GNL1: variants seen among roughly 807,000 people sequenced by gnomAD.
The protein encoded by GNL1 is guanine nucleotide-binding protein-like 1.
Under a neutral mutation model 75.2 loss-of-function variants are expected in GNL1, and 21 were observed. The ratio of observed to expected loss-of-function variants is 0.28; its 90% CI spans 0.20 to 0.40. The LOEUF (loss-of-function observed/expected upper bound fraction) is 0.40, where lower values mean the gene tolerates loss of function less well. Ranked by LOEUF, GNL1 falls within the 10% of genes least tolerant of loss-of-function variation. The pLI is 1.00. For missense variants in GNL1, 579 were observed against 775.0 expected, an observed-to-expected ratio of 0.75 and a Z score of 3.00; for synonymous variants, 287 against 303.4, an observed-to-expected ratio of 0.95 and a Z score of 0.56.
rs192720830 is a variant in GNL1 at position 30,548,720 on chromosome 6, T to C, written c.1100-1190A>G. ...CTGTGGCTAAGAAAAGATGTACCAC[T>C]GTGCTCACTCTTTACAACACATGCA... is the stretch of plus-strand genomic sequence containing the variant. On this transcript the variant is annotated intron_variant, in intron 8 of 11. Transcript: ENST00000376621. This position sits in a 1 kb window ranked among gnomAD's most constrained non-coding sequence, Gnocchi z 4.2. 6.6e-6 allele frequency among the ~76,000 whole-genome samples: 1 copy of C among 152,244 alleles called. No homozygotes were observed. The highest frequency in any genetic ancestry group is 1.9e-4 in the East Asian group (1 of 5,180).
chr6:30,552,731 CCTGCACAG>C lies in GNL1; in HGVS notation c.905-78_905-71del. 1.4e-6 allele frequency: 2 copies of C among 1,390,126 alleles called. No individual in the cohort carries two copies. The highest frequency in any genetic ancestry group is 2.0e-6 in the Non-Finnish European group (2 of 1,005,816). 86.1% of individuals were successfully genotyped at this position (1,390,126 alleles called of 1,614,324 possible). A position where few individuals can be genotyped will look rare whatever the true frequency, so the allele number is the denominator to read the frequency against. ...CTGTGCATGATGGCACATACTGTGC[CCTGCACAG>C]ATTATGTAACTGGCACCCTCTGGAG... On this transcript the variant is annotated intron_variant, in intron 7 of 11. Coordinates refer to ENST00000376621, the MANE Select transcript of GNL1 (RefSeq NM_005275.5). This position sits in a 1 kb window ranked among gnomAD's most constrained non-coding sequence, Gnocchi z 4.5.
In GNL1 at chr6:30,547,359, T is replaced by G; in HGVS notation, c.1271A>C (p.Gln424Pro). Reference sequence around the variant, plus strand: ...CCACCCTCCCCGTCATACCTGCAACTGCCTAGGCAGAAGAGATGGGAAGAT... The same window carrying G: ...CCACCCTCCCCGTCATACCTGCAACGGCCTAGGCAGAAGAGATGGGAAGAT... ...GLIFPSLLPR[Q>P]LQVLAGIYPI... The change falls in exon 9 of 12, where the codon CAG (glutamine) becomes CCG (proline). Residue 424 changes from glutamine (Q) to proline (P), a missense_variant. By Grantham distance (76) the Gln-to-Pro change is moderately conservative (BLOSUM62 -1). Transcript: ENST00000376621. This position sits in a 1 kb window ranked among gnomAD's most constrained non-coding sequence, Gnocchi z 5.5. 1 of 1,601,908 alleles carries G rather than the reference T, an allele frequency of 6.2e-7. No homozygotes were observed. The highest frequency in any genetic ancestry group is 1.1e-5 in the South Asian group (1 of 90,000).
rs149109454 is a variant in GNL1 at position 30,554,809 on chromosome 6, C to T, written c.483G>A (p.Gly161=). ...AGCTGAGTTTCTCAGAGGAGTAAGC[C>T]CCATGAATCTTCCCAAGATAGTCTT... is the stretch of plus-strand genomic sequence containing the variant. The part of the protein sequence containing the change: ...SFQDYLGKIH[G]AYSSEKLSYF... The change falls in exon 4 of 12, where the codon GGG becomes GGA. Residue 161 remains glycine (G), a synonymous_variant. Coordinates refer to ENST00000376621, the MANE Select transcript of GNL1 (RefSeq NM_005275.5). 1.4e-3 allele frequency: 2,254 copies of T among 1,612,884 alleles called. 21 individuals carry two copies. Among genetic ancestry groups the T allele is most frequent in the South Asian group, 9.0e-3 (816 of 91,082 alleles).
chr6:30,553,010 A>C, intron 7 of GNL1, 74 bp downstream of exon 7: 2 of 1,052,330 alleles, frequency 1.9e-6, no homozygotes, highest in Admixed American at 3.9e-5. Context: ...GGCTTCAGGA[A>C]AGGTGAGCAA....
rs1799319993 is a variant in GNL1, at chr6:30,544,095, C to G, written c.*1977G>C. The G allele has an allele frequency of 6.6e-6, 1 of 152,326 alleles. No homozygotes were observed. Among genetic ancestry groups the G allele is most frequent in the South Asian group, 2.1e-4 (1 of 4,836 alleles). The allele number at this position is 152,326 out of a possible 1,614,324, so 9.4% of individuals were successfully genotyped here. ...GTGTTGGGGCCCTATTCATCCTCAT[C>G]TGCACGTCCCTCAGTTCTTTTCCTG... On this transcript the variant is annotated 3_prime_UTR_variant, in exon 12 of 12. Transcript: ENST00000376621.
At position 30,555,096 on chromosome 6, in the gene GNL1, A is replaced by T; in HGVS notation, c.335T>A (p.Leu112Ter). Residue 112 changes from leucine (L) to a stop codon, truncating the protein, a stop_gained, in exon 3 of 12, where the codon TTG (leucine) becomes TAG (stop). Transcript: ENST00000376621. LOFTEE classifies it high-confidence loss of function. The surrounding 1 kb of genome is among the most constrained non-coding windows in gnomAD (Gnocchi z 4.3). ...EQVLQPVSAE[L>*]LELDIREVYQ... ...CACCTCCCGGATGTCCAGCTCCAAC[A>T]ACTCAGCACTGACCGGCTGTAGAAC... 1 of 1,612,868 alleles carries T rather than the reference A, an allele frequency of 6.2e-7. No individual in the cohort carries two copies.
rs1465853996 is a variant in GNL1, at chr6:30,548,877, CCTG to C, written c.1100-1350_1100-1348del. Among the ~76,000 whole-genome samples, 2 of 152,326 alleles carry C rather than the reference CCTG, an allele frequency of 1.3e-5. No individual in the cohort carries two copies. Among genetic ancestry groups the C allele is most frequent in the South Asian group, 2.1e-4 (1 of 4,828 alleles). ...TTACCTACTTTTTTCACCATTTCTT[CCTG>C]CTATCTTCTTTGTAACTGTAAACTA... is the stretch of plus-strand genomic sequence containing the variant. On this transcript the variant is annotated intron_variant, in intron 8 of 11. Transcript: ENST00000376621. This position sits in a 1 kb window ranked among gnomAD's most constrained non-coding sequence, Gnocchi z 4.2.
Position 30,555,753 on chromosome 6 carries a change from C to G in GNL1, c.74-33G>C. ...GAGGGGCCGGTGACGCCAGTGCTGG[C>G]CAGCTCTCAGGGGCCATAAGACCCT... On this transcript the variant is annotated intron_variant, in intron 1 of 11. Transcript: ENST00000376621. The surrounding 1 kb of genome is among the most constrained non-coding windows in gnomAD (Gnocchi z 4.3). The G allele has an allele frequency of 6.2e-7, 1 of 1,608,542 alleles. No individual in the cohort carries two copies. Among genetic ancestry groups the G allele is most frequent in the South Asian group, 1.1e-5 (1 of 90,640 alleles).
At position 30,552,426 on chromosome 6, in the gene GNL1, C is replaced by T; in HGVS notation, c.1099+41G>A. The T allele has an allele frequency of 2.0e-6, 3 of 1,530,620 alleles. No homozygotes were observed. Among genetic ancestry groups the T allele is most frequent in the Non-Finnish European group, 2.7e-6 (3 of 1,112,844 alleles). 94.8% of individuals were successfully genotyped at this position (1,530,620 alleles called of 1,614,324 possible). On this transcript the variant is annotated intron_variant, in intron 8 of 11. Coordinates refer to ENST00000376621, the MANE Select transcript of GNL1 (RefSeq NM_005275.5). The surrounding 1 kb of genome is among the most constrained non-coding windows in gnomAD (Gnocchi z 4.5). ...CTTCTCCGAATATGAAAACTCTGTA[C>T]CTCCTTGGAGGCCACCACGCACAAG... is the stretch of plus-strand genomic sequence containing the variant.
At position 30,545,220 on chromosome 6, in the gene GNL1, AAACTT is replaced by A. The variant is rs1314678391; in HGVS notation, c.*847_*851del. 6.6e-6 allele frequency: 1 copy of A among 152,218 alleles called. No individual in the cohort carries two copies. The highest frequency in any genetic ancestry group is 2.4e-5 in the African/African-American group (1 of 41,458). 9.4% of individuals were successfully genotyped at this position (152,218 alleles called of 1,614,324 possible). A position where few individuals can be genotyped will look rare whatever the true frequency, so the allele number is the denominator to read the frequency against. ...GTAGCTGCCAAGCTTTTAAACAATGAAACTTAACACTGTACTTAAAGGGCTGTTCT... is the reference window on the plus strand; with the variant it reads ...GTAGCTGCCAAGCTTTTAAACAATGAAACACTGTACTTAAAGGGCTGTTCT... On this transcript the variant is annotated 3_prime_UTR_variant, in exon 12 of 12. Transcript: ENST00000376621.
In GNL1 at chr6:30,553,393, G is replaced by C. The variant is rs757717783; in HGVS notation, c.765C>G (p.Thr255=). Residue 255 remains threonine, a synonymous_variant, in exon 6 of 12, where the codon ACC becomes ACG. Transcript: ENST00000376621. The stretch of plus-strand genomic sequence containing the variant: ...GGGTGCGGGGGTCCCGAGGAAAAGA[G>C]GTGAAAAGGACGACGTGGAGCTGGG... ...HYPQLHVVLF[T]SFPRDPRTPQ... 2.5e-6 allele frequency: 4 copies of C among 1,612,556 alleles called. No individual in the cohort carries two copies. The South Asian group carries it at 3.3e-5, about 13-fold the overall frequency.
At position 30,546,371 on chromosome 6, in the gene GNL1, A is replaced by C; in HGVS notation, c.1583-58T>G. 9.4e-7 allele frequency: 1 copy of C among 1,063,630 alleles called. No individual in the cohort carries two copies. Among genetic ancestry groups the C allele is most frequent in the Admixed American group, 2.2e-5 (1 of 46,106 alleles). 65.9% of individuals were successfully genotyped at this position (1,063,630 alleles called of 1,614,324 possible). A position where few individuals can be genotyped will look rare whatever the true frequency, so the allele number is the denominator to read the frequency against. The stretch of plus-strand genomic sequence containing the variant: ...GAGTTTTGAGCAAGAACTAAAGCCA[A>C]GGAAAGATGGGGAAGAGGCAAAGAC... On this transcript the variant is annotated intron_variant, in intron 11 of 11. Coordinates refer to ENST00000376621, the MANE Select transcript of GNL1 (RefSeq NM_005275.5). This position sits in a 1 kb window ranked among gnomAD's most constrained non-coding sequence, Gnocchi z 5.1.
At position 30,556,126 on chromosome 6, in the gene GNL1, C is replaced by T. The variant is rs1186715589; in HGVS notation, c.73+5G>A. 4 of 1,600,882 alleles carry T rather than the reference C, an allele frequency of 2.5e-6. No individual in the cohort carries two copies. Among genetic ancestry groups the T allele is most frequent in the South Asian group, 2.2e-5 (2 of 91,014 alleles). ...CCCGCCCCCTCCTCCCGCTCCCGCA[C>T]TGACCTCTCTTCCGCTCCCGTTTGT... On this transcript the variant is annotated splice_donor_5th_base_variant and intron_variant, in intron 1 of 11. Transcript: ENST00000376621. The surrounding 1 kb of genome is among the most constrained non-coding windows in gnomAD (Gnocchi z 5.7).
chr6:30,553,473 G>C lies in GNL1; in HGVS notation c.685C>G (p.Leu229Val). 1 of 1,612,858 alleles carries C rather than the reference G, an allele frequency of 6.2e-7. No homozygotes were observed. Among genetic ancestry groups the C allele is most frequent in the Non-Finnish European group, 8.5e-7 (1 of 1,179,842 alleles). Reference sequence around the variant, plus strand: ...GCAACCACAAGAGCTGGCGGGGCCAGATCCACCTTGTTCAAAACCAGCACC... The same window carrying C: ...GCAACCACAAGAGCTGGCGGGGCCACATCCACCTTGTTCAAAACCAGCACC... The part of the protein sequence containing the change: ...ALVLVLNKVD[L>V]APPALVVAWK... Residue 229 changes from leucine (L) to valine (V), a missense_variant, in exon 6 of 12, where the codon CTG (leucine) becomes GTG (valine). Transcript: ENST00000376621.
rs906400030 is a variant in GNL1 at position 30,545,938 on chromosome 6, C to T, written c.*134G>A. 13 of 680,524 alleles carry T rather than the reference C, an allele frequency of 1.9e-5. No individual in the cohort carries two copies. Among genetic ancestry groups the T allele is most frequent in the South Asian group, 7.2e-5 (4 of 55,186 alleles). 42.2% of individuals were successfully genotyped at this position (680,524 alleles called of 1,614,324 possible). A position where few individuals can be genotyped will look rare whatever the true frequency, so the allele number is the denominator to read the frequency against. The stretch of plus-strand genomic sequence containing the variant: ...GCTGTTAGCCTGGAACAGCCGCTCT[C>T]ACCTCAGTTCATCTGGGGAAGGGGC... On this transcript the variant is annotated 3_prime_UTR_variant, in exon 12 of 12. Transcript: ENST00000376621.
In GNL1 at chr6:30,556,125, A is replaced by G; in HGVS notation, c.73+6T>C. ...CCCCGCCCCCTCCTCCCGCTCCCGC[A>G]CTGACCTCTCTTCCGCTCCCGTTTG... On this transcript the variant is annotated splice_donor_region_variant and intron_variant, in intron 1 of 11. Transcript: ENST00000376621. This position sits in a 1 kb window ranked among gnomAD's most constrained non-coding sequence, Gnocchi z 5.7. The G allele has an allele frequency of 1.2e-6, 2 of 1,600,112 alleles. No individual in the cohort carries two copies. The highest frequency in any genetic ancestry group is 2.2e-5 in the South Asian group (2 of 90,996).
rs1799569664 is a variant in GNL1, at chr6:30,548,394, C to T, written c.1100-864G>A. Among the ~76,000 whole-genome samples, 1 of 152,090 alleles carries T rather than the reference C, an allele frequency of 6.6e-6. No individual in the cohort carries two copies. Among genetic ancestry groups the T allele is most frequent in the Admixed American group, 6.6e-5 (1 of 15,246 alleles). On this transcript the variant is annotated intron_variant, in intron 8 of 11. Transcript: ENST00000376621. This position sits in a 1 kb window ranked among gnomAD's most constrained non-coding sequence, Gnocchi z 4.2. Reference sequence around the variant, plus strand: ...TTGTCACTTCACAGCTCCAAAGCCTCAATTCCAAGCACCCCTCTCTGCCCT... The same window carrying T: ...TTGTCACTTCACAGCTCCAAAGCCTTAATTCCAAGCACCCCTCTCTGCCCT...
At chr6:30,550,491 C>T (rs1438672211) in intron 8 of GNL1, among the ~76,000 whole-genome samples, 1 of 152,136 alleles carries the variant, frequency 6.6e-6, no homozygotes, top group Non-Finnish European at 1.5e-5. Flanking sequence ...CCCTGTCTCA[C>T]CACCTCCAGC....
Position 30,547,411 on chromosome 6 carries a change from C to T in GNL1, c.1219G>A (p.Val407Met), listed in dbSNP as rs778462579. 6.2e-7 allele frequency: 1 copy of T among 1,613,836 alleles called. No individual in the cohort carries two copies. The highest frequency in any genetic ancestry group is 2.2e-5 in the East Asian group (1 of 44,890). The change falls in exon 9 of 12, where the codon GTG becomes ATG. Residue 407 changes from valine to methionine, a missense_variant. Val to Met is a conservative substitution (Grantham distance 21, BLOSUM62 1). Coordinates refer to ENST00000376621, the MANE Select transcript of GNL1 (RefSeq NM_005275.5). The surrounding 1 kb of genome is among the most constrained non-coding windows in gnomAD (Gnocchi z 5.5). Reference protein sequence around the residue: ...YFQTYFLTPSVKLCDCPGLIF... With the variant: ...YFQTYFLTPSMKLCDCPGLIF... The stretch of plus-strand genomic sequence containing the variant: ...AGGCCTGGGCAGTCACAGAGCTTCA[C>T]AGAGGGGGTAAGAAAGTAGGTCTGA...
Sources: gnomAD v4.1 joint callset for allele counts (sites outside exome capture counted in the v4.1 genomes callset) on GRCh38, gnomAD v4.1.1 for gene constraint, Gnocchi (gnomAD v3.1) non-coding constraint, MANE v1.5 for transcripts, NCBI Gene and HGNC (gene_info 2026-07-23, HGNC 2026-07-21) for gene names.